PRDM6: variants seen among roughly 807,000 people sequenced by gnomAD.
PRDM6 encodes PR/SET domain 6.
Under a neutral mutation model 60.8 loss-of-function variants are expected in PRDM6, and 25 were observed. The observed-to-expected ratio is 0.41, with a 90% CI of 0.30 to 0.57. The LOEUF (loss-of-function observed/expected upper bound fraction) is 0.57. Ranked by LOEUF, PRDM6 falls within the 20% of genes least tolerant of loss-of-function variation. PRDM6 has a pLI of 0.27. For synonymous variants in PRDM6, 407 were observed against 357.4 expected (o/e 1.14, Z -1.57); for missense variants, 839 against 821.3 (o/e 1.02, Z -0.26).
Position 123,089,471 on chromosome 5 carries a change from C to CGCTCACCGAGACACCCGCAA in PRDM6, c.-45_-44insAGCTCACCGAGACACCCGCA. 6.3e-6 allele frequency: 1 copy of CGCTCACCGAGACACCCGCAA among 158,418 alleles called. No individual in the cohort carries two copies. The allele number at this position is 158,418 out of a possible 1,614,324, so 9.8% of individuals were successfully genotyped here. On this transcript the variant is annotated 5_prime_UTR_variant, in exon 1 of 8. Coordinates refer to ENST00000407847, the MANE Select transcript of PRDM6 (RefSeq NM_001136239.4). The stretch of plus-strand genomic sequence containing the variant: ...GGGCGCACACTCTCGCGCACCCGCA[C>CGCTCACCGAGACACCCGCAA]GCTCACCGAGACACCCGCACGCACC...
intron 1 of PRDM6, among the ~76,000 whole-genome samples, chr5:123,089,723 G>C (rs1221715594): frequency 6.6e-6 from 1 of 152,132 alleles, no homozygotes; most frequent in Non-Finnish European, 1.5e-5. Flanking sequence ...CGAGTTCTAC[G>C]GGGCAGCGCC....
chr5:123,187,251 CA>C lies in PRDM6; in HGVS notation c.*51del. On this transcript the variant is annotated 3_prime_UTR_variant, in exon 8 of 8. Transcript: ENST00000407847. ...TGCAAGGAAAGTCATGATTAAATGT[CA>C]CGGACACTTAAGCAAAACCAAAGAT... is the stretch of plus-strand genomic sequence containing the variant. The C allele has an allele frequency of 1.4e-6, 2 of 1,408,074 alleles. No individual in the cohort carries two copies. The highest frequency in any genetic ancestry group is 2.0e-6 in the Non-Finnish European group (2 of 1,018,190). The allele number at this position is 1,408,074 out of a possible 1,614,324, so 87.2% of individuals were successfully genotyped here.
At position 123,191,790 on chromosome 5, in the gene PRDM6, A is replaced by G. The variant is rs896213224; in HGVS notation, c.*4589A>G. On this transcript the variant is annotated 3_prime_UTR_variant, in exon 8 of 8. Transcript: ENST00000407847. The stretch of plus-strand genomic sequence containing the variant: ...AAGGCACCTATTTCAGCCCTCCCCA[A>G]GATTGCATTCTACAAACCCAGAGAT... 1.3e-5 allele frequency: 2 copies of G among 152,316 alleles called. No homozygotes were observed. 9.4% of individuals were successfully genotyped at this position (152,316 alleles called of 1,614,324 possible).
intron 3 of PRDM6, among the ~76,000 whole-genome samples, chr5:123,150,613 C>A (rs908302738): frequency 3.6e-4 from 55 of 152,130 alleles, no homozygotes; most frequent in Non-Finnish European, 6.2e-4. Context: ...AAACAGTATG[C>A]TTTCTTAAAT....
chr5:123,175,130 G>C (rs1765976279), intron 6 of PRDM6, among the ~76,000 whole-genome samples: 2 of 152,104 alleles, frequency 1.3e-5, no homozygotes, highest in Non-Finnish European at 2.9e-5. Context: ...GTGGTGGGGG[G>C]TATGCTCCAG....
At chr5:123,155,216 T>C (rs1765464899) in intron 3 of PRDM6, among the ~76,000 whole-genome samples, 6 of 151,814 alleles carry the variant, frequency 4.0e-5, no homozygotes. Flanking sequence ...AATGTAGGAT[T>C]CATAGGAGAC....
chr5:123,177,437 C>G (rs335176), intron 6 of PRDM6, among the ~76,000 whole-genome samples: 10,801 of 152,136 alleles, frequency 0.071, 409 homozygotes, highest in African/African-American at 0.082. Context: ...GTGTATGTGA[C>G]CAAGTATTCT....
chr5:123,157,788 T>C (rs548854524), intron 4 of PRDM6, among the ~76,000 whole-genome samples: 21 of 152,244 alleles, frequency 1.4e-4, no homozygotes, highest in Non-Finnish European at 2.8e-4. Context: ...CTAAATGGAA[T>C]TTTCTTCAAA....
chr5:123,147,807 AACAG>A (rs1439854484), intron 3 of PRDM6, among the ~76,000 whole-genome samples: 1 of 152,236 alleles, frequency 6.6e-6, no homozygotes. Context: ...TCCTCTGATC[AACAG>A]ACAGAGCATG....
intron 3 of PRDM6, among the ~76,000 whole-genome samples, chr5:123,115,521 T>C (rs1215862429): frequency 6.6e-6 from 1 of 152,204 alleles, no homozygotes; most frequent in Non-Finnish European, 1.5e-5. Flanking sequence ...TTTAATTATG[T>C]TTTATCATTA....
At chr5:123,094,530 GC>G (rs1489805364) in intron 2 of PRDM6, among the ~76,000 whole-genome samples, 3 of 151,884 alleles carry the variant, frequency 2.0e-5, no homozygotes, top group African/African-American at 7.3e-5. Context: ...GTTATCTAGC[GC>G]CCTGAAACCG....
At chr5:123,184,014 G>T (rs1234457975) in intron 7 of PRDM6, among the ~76,000 whole-genome samples, 1 of 152,058 alleles carries the variant, frequency 6.6e-6, no homozygotes, top group East Asian at 1.9e-4. Flanking sequence ...ATGGAGTTTG[G>T]CTCATGATGA....
intron 3 of PRDM6, among the ~76,000 whole-genome samples, chr5:123,104,136 C>G (rs988777474): frequency 1.3e-5 from 2 of 151,982 alleles, no homozygotes; most frequent in Non-Finnish European, 2.9e-5. Flanking sequence ...AAGAGTTTTG[C>G]TGTTAAGCAA....
intron 6 of PRDM6, among the ~76,000 whole-genome samples, chr5:123,172,577 C>G (rs891788140): frequency 6.6e-5 from 10 of 152,154 alleles, no homozygotes; most frequent in African/African-American, 1.4e-4. Context: ...AGATATGTCT[C>G]TTTTAAGTTT....
chr5:123,140,500 G>A (rs1421024189), intron 3 of PRDM6, among the ~76,000 whole-genome samples: 2 of 152,010 alleles, frequency 1.3e-5, no homozygotes, highest in East Asian at 1.9e-4. Flanking sequence ...CAAGATTTAT[G>A]CAGCTTCTCA....
At chr5:123,135,406 A>G (rs1453323012) in intron 3 of PRDM6, among the ~76,000 whole-genome samples, 1 of 152,168 alleles carries the variant, frequency 6.6e-6, no homozygotes, top group Admixed American at 6.5e-5. Context: ...AATAAAACAG[A>G]ACAGAAAGAC....
At chr5:123,094,815 G>T (rs931761552) in intron 2 of PRDM6, among the ~76,000 whole-genome samples, 3 of 152,034 alleles carry the variant, frequency 2.0e-5, no homozygotes, top group African/African-American at 7.3e-5. Flanking sequence ...TTATCTCTGC[G>T]CAATATTCTC....
chr5:123,137,256 T>C (rs1764980092), intron 3 of PRDM6, among the ~76,000 whole-genome samples: 1 of 152,338 alleles, frequency 6.6e-6, no homozygotes, highest in Admixed American at 6.5e-5. Flanking sequence ...CTGAATCTGA[T>C]TCTGCTGTGA....
At position 123,143,058 on chromosome 5, in the gene PRDM6, T is replaced by C. The variant is rs895152626; in HGVS notation, c.901-12826T>C. On this transcript the variant is annotated intron_variant, in intron 3 of 7. Transcript: ENST00000407847. The stretch of plus-strand genomic sequence containing the variant: ...AAAGTACATTAAACATCCCAAGGAC[T>C]CTAACTCAGTCACGGATGTTCTCAT... 5.9e-5 allele frequency among the ~76,000 whole-genome samples: 9 copies of C among 151,868 alleles called. No homozygotes were observed. The East Asian group carries it at 7.7e-4, about 13-fold the overall frequency.
Sources: allele counts gnomAD v4.1 joint callset (sites outside exome capture counted in the v4.1 genomes callset), GRCh38; gene constraint gnomAD v4.1.1; transcripts MANE v1.5; gene names NCBI Gene and HGNC (gene_info 2026-07-23, HGNC 2026-07-21).